The following URI1 variants were observed in gnomAD, a reference collection of about 807,000 sequenced individuals.
URI1 encodes unconventional prefoldin RPB5 interactor 1.
URI1 carries 39 observed loss-of-function variants against 60.2 expected under a neutral mutation model. The ratio of observed to expected loss-of-function variants is 0.65; its 90% confidence interval spans 0.50 to 0.85. URI1 has a LOEUF of 0.85. Ranked by LOEUF, URI1 falls within the 40% of genes least tolerant of loss-of-function variation. The pLI, the probability that URI1 is intolerant of heterozygous loss-of-function variation, is 0.00. For synonymous variants in URI1, 251 were observed against 236.8 expected, an observed-to-expected ratio of 1.06 and a Z score of -0.55; for missense variants, 691 against 665.9, an observed-to-expected ratio of 1.04 and a Z score of -0.42.
In URI1 at chr19:30,012,490, G is replaced by C. The variant is rs1215155418; in HGVS notation, c.1384G>C (p.Glu462Gln). Residue 462 changes from glutamate (E) to glutamine (Q), a missense_variant, in exon 10 of 11, where the codon GAA becomes CAA. Coordinates refer to ENST00000392271, the MANE Select transcript of URI1 (RefSeq NM_003796.3). ...SESILEEEPQ[E>Q]NQKKLLPLSV... Reference sequence around the variant, plus strand: ...GAGCATTTTGGAAGAGGAACCACAAGAAAATCAAAAGAAACTTTTGCCCTT... The same window carrying C: ...GAGCATTTTGGAAGAGGAACCACAACAAAATCAAAAGAAACTTTTGCCCTT... 1 of 1,614,162 alleles carries C rather than the reference G, an allele frequency of 6.2e-7. No homozygotes were observed. Among genetic ancestry groups the C allele is most frequent in the Non-Finnish European group, 8.5e-7 (1 of 1,179,992 alleles).
chr19:30,012,623 T>A (rs908296148), intron 10 of URI1, 92 bp downstream of exon 10: 10 of 1,454,864 alleles, frequency 6.9e-6, no homozygotes, highest in Non-Finnish European at 8.3e-6. Context: ...ATTAAATTAA[T>A]TCTAGGTTTT....
At chr19:29,975,270 A>G (rs1414679542) in intron 2 of URI1, among the ~76,000 whole-genome samples, 3 of 152,114 alleles carry the variant, frequency 2.0e-5, no homozygotes, top group Admixed American at 6.5e-5. Flanking sequence ...TATTTTGCCT[A>G]TCCCATCTCC....
intron 1 of URI1, among the ~76,000 whole-genome samples, chr19:29,947,806 T>C (rs2055120986): frequency 6.6e-6 from 1 of 152,204 alleles, no homozygotes; most frequent in Non-Finnish European, 1.5e-5. Context: ...ATTTTAACAA[T>C]TGTTTCCTTC....
At chr19:29,973,324 A>G (rs1386863988) in intron 2 of URI1, among the ~76,000 whole-genome samples, 1 of 152,182 alleles carries the variant, frequency 6.6e-6, no homozygotes, top group Non-Finnish European at 1.5e-5. Context: ...TGAAGCAACT[A>G]CAGGAGTTCA....
intron 6 of URI1, among the ~76,000 whole-genome samples, chr19:30,006,794 A>G (rs2055948667): frequency 6.6e-6 from 1 of 152,130 alleles, no homozygotes; most frequent in Non-Finnish European, 1.5e-5. Flanking sequence ...AATTTGCTTT[A>G]TTAAAAAATA....
rs542591670 is a variant in URI1 at position 29,942,883 on chromosome 19, G to A, written c.117+219G>A. On this transcript the variant is annotated intron_variant, in intron 1 of 10. Transcript: ENST00000392271. ...CCCGTTCGCCTGCCCAGGAAAGGGGGCTTCTGAGCTGAAGGCGTGCGGCAG... is the reference window on the plus strand; with the variant it reads ...CCCGTTCGCCTGCCCAGGAAAGGGGACTTCTGAGCTGAAGGCGTGCGGCAG... Among the ~76,000 whole-genome samples the A allele has an allele frequency of 1.1e-3, 162 of 152,304 alleles. 3 individuals carry two copies. The highest frequency in any genetic ancestry group is 3.8e-3 in the African/African-American group (156 of 41,568).
intron 2 of URI1, among the ~76,000 whole-genome samples, chr19:29,971,478 GAAT>G (rs2055459238): frequency 6.6e-6 from 1 of 151,712 alleles, no homozygotes; most frequent in Non-Finnish European, 1.5e-5. Flanking sequence ...TCTTTTCTAA[GAAT>G]AATATTAATA....
In URI1 at chr19:29,946,648, A is replaced by G. The variant is rs533941135; in HGVS notation, c.117+3984A>G. ...AGAGTAAATATTTTAAATTTTTTAT[A>G]AAGCAGAACAGCTAATTTAACTTAA... On this transcript the variant is annotated intron_variant, in intron 1 of 10. Coordinates refer to ENST00000392271, the MANE Select transcript of URI1 (RefSeq NM_003796.3). Among the ~76,000 whole-genome samples the G allele has an allele frequency of 7.2e-5, 11 of 152,358 alleles. No individual in the cohort carries two copies. The East Asian group carries it at 1.2e-3, about 16-fold the overall frequency.
chr19:30,007,642 C>G lies in URI1; in HGVS notation c.686+4C>G, dbSNP rs550658626. The G allele has an allele frequency of 6.3e-7, 1 of 1,578,534 alleles. No individual in the cohort carries two copies. The highest frequency in any genetic ancestry group is 8.6e-7 in the Non-Finnish European group (1 of 1,165,750). Reference sequence around the variant, plus strand: ...AATTGCTGGGTGAACTTGATAGGTACTTGATGACAAATTATCTTTCCAAGA... The same window carrying G: ...AATTGCTGGGTGAACTTGATAGGTAGTTGATGACAAATTATCTTTCCAAGA... On this transcript the variant is annotated splice_donor_region_variant and intron_variant, in intron 7 of 10. Coordinates refer to ENST00000392271, the MANE Select transcript of URI1 (RefSeq NM_003796.3).
At chr19:29,966,807 A>G (rs1205565199) in intron 1 of URI1, among the ~76,000 whole-genome samples, 1 of 152,238 alleles carries the variant, frequency 6.6e-6, no homozygotes, top group Non-Finnish European at 1.5e-5. Flanking sequence ...AGGAGAAGCA[A>G]ACTATATAAA....
intron 1 of URI1, among the ~76,000 whole-genome samples, chr19:29,925,282 T>A (rs2054856180): frequency 6.6e-6 from 1 of 152,242 alleles, no homozygotes; most frequent in South Asian, 2.1e-4. Flanking sequence ...TCCAGTTGAA[T>A]TGAGAGTTCC....
chr19:29,987,482 A>G (rs766793382), intron 4 of URI1, among the ~76,000 whole-genome samples: 2 of 152,224 alleles, frequency 1.3e-5, no homozygotes, highest in African/African-American at 2.4e-5. Context: ...ATTTCTGGCA[A>G]TGATAAATCT....
intron 1 of URI1, among the ~76,000 whole-genome samples, chr19:29,948,550 C>CTTTTTTTT (rs559685920): frequency 2.3e-4 from 35 of 151,946 alleles, no homozygotes; most frequent in African/African-American, 7.7e-4. Context: ...GTTGAAGTTA[C>CTTTTTTTT]TTTTTTTTGC....
At chr19:29,927,714 T>A (rs1176937303) in intron 1 of URI1, among the ~76,000 whole-genome samples, 2 of 151,676 alleles carry the variant, frequency 1.3e-5, no homozygotes. Context: ...GTAGCTGGGA[T>A]TACAGACGCC....
intron 4 of URI1, among the ~76,000 whole-genome samples, chr19:29,988,644 C>T (rs1338005596): frequency 2.6e-5 from 4 of 152,188 alleles, no homozygotes; most frequent in Non-Finnish European, 4.4e-5. Context: ...CCGTTACATG[C>T]ATATCTATTA....
intron 8 of URI1, 30 bp downstream of exon 8, chr19:30,009,383 G>T: frequency 9.6e-6 from 15 of 1,560,306 alleles, no homozygotes; most frequent in Non-Finnish European, 1.3e-5. Flanking sequence ...TACTAATTTT[G>T]CATATAATTT....
At chr19:29,989,659 G>A (rs1379502910) in intron 4 of URI1, among the ~76,000 whole-genome samples, 1 of 152,100 alleles carries the variant, frequency 6.6e-6, no homozygotes, top group Non-Finnish European at 1.5e-5. Context: ...CTGACCTCAT[G>A]ATCTGTCCGC....
intron 1 of URI1, among the ~76,000 whole-genome samples, chr19:29,935,896 C>G (rs1345744485): frequency 6.6e-6 from 1 of 151,806 alleles, no homozygotes; most frequent in African/African-American, 2.4e-5. Context: ...AAGCAATTCT[C>G]CTGCCTCAGT....
intron 1 of URI1, among the ~76,000 whole-genome samples, chr19:29,966,055 T>TC (rs1158255986): frequency 6.6e-6 from 1 of 152,280 alleles, no homozygotes; most frequent in Non-Finnish European, 1.5e-5. Flanking sequence ...GACTTAGCTT[T>TC]CATTAGCAGT....
Sources: gnomAD v4.1 joint callset for allele counts (sites outside exome capture counted in the v4.1 genomes callset) on GRCh38, gnomAD v4.1.1 for gene constraint, MANE v1.5 for transcripts, NCBI Gene and HGNC (gene_info 2026-07-23, HGNC 2026-07-21) for gene names.